ZNF397: variants seen among roughly 807,000 people sequenced by gnomAD.
ZNF397 encodes the protein zinc finger and SCAN domain-containing protein 15.
ZNF397 carries 38 observed loss-of-function variants against 50.6 expected under a neutral mutation model. The observed-to-expected ratio is 0.75, with a 90% confidence interval of 0.58 to 0.98. The LOEUF (loss-of-function observed/expected upper bound fraction) is 0.98. ZNF397 is among the 50% of genes least tolerant of loss of function. The pLI, the probability that ZNF397 is intolerant of heterozygous loss-of-function variation, is 0.00. For synonymous variants in ZNF397, 228 were observed against 215.2 expected, an observed-to-expected ratio of 1.06 and a Z score of -0.52; for missense variants, 624 against 624.1, an observed-to-expected ratio of 1.00 and a Z score of 0.00.
chr18:35,256,536 A>C (rs374897090), intron 5 of ZNF397, among the ~76,000 whole-genome samples: 9 of 152,240 alleles, frequency 5.9e-5, no homozygotes, highest in African/African-American at 1.9e-4. Context: ...ATGACAGAAC[A>C]AGACTGTCTC....
In ZNF397 at chr18:35,245,578, G is replaced by A. The variant is rs61736985; in HGVS notation, c.873G>A (p.Gly291=). Residue 291 remains glycine, a synonymous_variant, in exon 4 of 4, where the codon GGG becomes GGA. Coordinates refer to ENST00000330501, the MANE Select transcript of ZNF397 (RefSeq NM_001135178.3). The part of the protein sequence containing the change: ...EERPYRCDVC[G]HSFKQHSSLT... ...GACCTTATAGATGTGATGTATGTGGGCACAGCTTCAAGCAGCATTCCTCTC... is the reference window on the plus strand; with the variant it reads ...GACCTTATAGATGTGATGTATGTGGACACAGCTTCAAGCAGCATTCCTCTC... 2.6e-4 allele frequency: 406 copies of A among 1,552,708 alleles called. 4 individuals are homozygous for A. In the Middle Eastern group the frequency reaches 8.2e-3, roughly 31 times the overall value.
downstream of ZNF397, chr18:35,251,907 T>C (rs1226975261): frequency 6.6e-6 from 1 of 152,178 alleles, no homozygotes; most frequent in African/African-American, 2.4e-5. Context: ...TGACACTACC[T>C]AGGATATCTT....
rs1192606134 is a variant in ZNF397, at chr18:35,246,367, CAA to C, written c.*60_*61del. On this transcript the variant is annotated 3_prime_UTR_variant, in exon 4 of 4. Transcript: ENST00000330501. ...CAGTCAGATTTTTAAGTTTGTTAGTCAAAAGAGTTTACTTTGGAGCAAAACTC... is the reference window on the plus strand; with the variant it reads ...CAGTCAGATTTTTAAGTTTGTTAGTCAAGAGTTTACTTTGGAGCAAAACTC... 29 of 1,468,562 alleles carry C rather than the reference CAA, an allele frequency of 2.0e-5. No homozygotes were observed. The highest frequency in any genetic ancestry group is 2.6e-5 in the Non-Finnish European group (29 of 1,111,572). The allele number at this position is 1,468,562 out of a possible 1,614,324, so 91.0% of individuals were successfully genotyped here.
Position 35,245,878 on chromosome 18 carries a change from C to T in ZNF397, c.1173C>T (p.His391=), listed in dbSNP as rs895006880. 2 of 1,558,086 alleles carry T rather than the reference C, an allele frequency of 1.3e-6. No individual in the cohort carries two copies. Among genetic ancestry groups the T allele is most frequent in the African/African-American group, 1.4e-5 (1 of 73,152 alleles). The change falls in exon 4 of 4, where the codon CAC becomes CAT. Residue 391 remains histidine, a synonymous_variant. Transcript: ENST00000330501. The part of the protein sequence containing the change: ...SSYLIIHQRI[H]TGEKPYECNE... ...ATCTCATTATACATCAAAGAATTCA[C>T]ACTGGTGAGAAACCTTATGAGTGTA...
At position 35,245,824 on chromosome 18, in the gene ZNF397, G is replaced by GTGTGGCAAA. The variant is rs1491028000; in HGVS notation, c.1120_1128dup (p.Cys374_Lys376dup). ...GTGAGAAAGCTTGTAAATGTAATGAGTGTGGCAAAGCATTCAGTCAAAGTT... is the reference window on the plus strand; with the variant it reads ...GTGAGAAAGCTTGTAAATGTAATGAGTGTGGCAAATGTGGCAAAGCATTCAGTCAAAGTT... On this transcript the variant is annotated inframe_insertion, in exon 4 of 4. Coordinates refer to ENST00000330501, the MANE Select transcript of ZNF397 (RefSeq NM_001135178.3). 8 of 1,552,060 alleles carry GTGTGGCAAA rather than the reference G, an allele frequency of 5.2e-6. No homozygotes were observed. The highest frequency in any genetic ancestry group is 7.0e-6 in the Non-Finnish European group (8 of 1,147,232).
chr18:35,243,071 C>G, intron 2 of ZNF397, 81 bp from the exon 3 acceptor site: 32 of 1,591,180 alleles, frequency 2.0e-5, no homozygotes, highest in Non-Finnish European at 2.7e-5. Context: ...GAGATGTCAT[C>G]ATTGACCTCT....
Position 35,242,404 on chromosome 18 carries a change from A to T in ZNF397, c.-67A>T. 6.8e-7 allele frequency: 1 copy of T among 1,462,388 alleles called. No homozygotes were observed. The highest frequency in any genetic ancestry group is 9.3e-7 in the Non-Finnish European group (1 of 1,079,448). 90.6% of individuals were successfully genotyped at this position (1,462,388 alleles called of 1,614,324 possible). On this transcript the variant is annotated 5_prime_UTR_variant, in exon 2 of 4. Coordinates refer to ENST00000330501, the MANE Select transcript of ZNF397 (RefSeq NM_001135178.3). ...TATATCCTTCAGGAAAGAAGAGATT[A>T]CTCACACTCCTTCGCAAGCACAGAA... is the stretch of plus-strand genomic sequence containing the variant.
intron 1 of ZNF397, chr18:35,241,439 C>T (rs376440392): frequency 1.3e-5 from 2 of 152,234 alleles, no homozygotes; most frequent in African/African-American, 4.8e-5. Flanking sequence ...CATCTCTTAA[C>T]GTTAACCGTA....
At chr18:35,256,760 T>G (rs146344970) in intron 5 of ZNF397, among the ~76,000 whole-genome samples, 1 of 151,536 alleles carries the variant, frequency 6.6e-6, no homozygotes, top group African/African-American at 2.4e-5. Context: ...CTCTTCTGTT[T>G]TTGTTGTTGT....
chr18:35,256,664 CAA>C (rs2043831445), intron 5 of ZNF397, among the ~76,000 whole-genome samples: 1 of 152,156 alleles, frequency 6.6e-6, no homozygotes, highest in Non-Finnish European at 1.5e-5. Context: ...TAATCAGGCT[CAA>C]GTCTGGAGGC....
At chr18:35,254,659 T>C (rs193040278), downstream of ZNF397, 885 of 515,050 alleles carry the variant, frequency 1.7e-3, 2 homozygotes, top group Non-Finnish European at 2.5e-3. Flanking sequence ...AACAGGAATA[T>C]TGGCGATAAA....
rs1241856295 is a variant in ZNF397 at position 35,241,073 on chromosome 18, T to TG, written c.-114dup. Reference sequence around the variant, plus strand: ...GGTCTTTGTGGCTTGCAGCTCGGGGTGGGTGGCTCATTTCCTGGCCGCTCC... The same window carrying TG: ...GGTCTTTGTGGCTTGCAGCTCGGGGTGGGGTGGCTCATTTCCTGGCCGCTCC... On this transcript the variant is annotated 5_prime_UTR_variant, in exon 1 of 4. Transcript: ENST00000330501. The TG allele has an allele frequency of 2.0e-5, 3 of 151,894 alleles. No individual in the cohort carries two copies. The highest frequency in any genetic ancestry group is 4.4e-5 in the Non-Finnish European group (3 of 68,000). The allele number at this position is 151,894 out of a possible 1,614,324, so 9.4% of individuals were successfully genotyped here.
Position 35,248,303 on chromosome 18 carries a change from T to C in ZNF397, c.*1993T>C, listed in dbSNP as rs896986824. ...GGGGCGTGCATCAGTGGACATGTGCTAACCAGTAAGAACAGCAGGAGGCCT... is the reference window on the plus strand; with the variant it reads ...GGGGCGTGCATCAGTGGACATGTGCCAACCAGTAAGAACAGCAGGAGGCCT... On this transcript the variant is annotated 3_prime_UTR_variant, in exon 4 of 4. Transcript: ENST00000330501. 2.6e-5 allele frequency: 4 copies of C among 152,200 alleles called. No homozygotes were observed. Among genetic ancestry groups the C allele is most frequent in the Non-Finnish European group, 5.9e-5 (4 of 68,038 alleles). The allele number at this position is 152,200 out of a possible 1,614,324, so 9.4% of individuals were successfully genotyped here.
chr18:35,243,740 C>T (rs1009165539), intron 3 of ZNF397: 1 of 268,788 alleles, frequency 3.7e-6, no homozygotes, highest in South Asian at 5.8e-5. Context: ...AAGACTTGAA[C>T]TATGAGTAAG....
chr18:35,244,877 G>T (rs982088272), intron 3 of ZNF397, among the ~76,000 whole-genome samples: 5 of 151,954 alleles, frequency 3.3e-5, no homozygotes, highest in African/African-American at 7.3e-5. Context: ...AGAGAGTGAG[G>T]TTGCGAAACC....
Position 35,245,854 on chromosome 18 carries a change from T to C in ZNF397, c.1149T>C (p.Tyr383=), listed in dbSNP as rs1404197769. The C allele has an allele frequency of 6.4e-7, 1 of 1,553,520 alleles. No homozygotes were observed. Residue 383 remains tyrosine, a synonymous_variant, in exon 4 of 4, where the codon TAT becomes TAC. Transcript: ENST00000330501. ...GCAAAGCATTCAGTCAAAGTTCATA[T>C]CTCATTATACATCAAAGAATTCACA... ...ECGKAFSQSS[Y]LIIHQRIHTG... is the part of the protein sequence containing the mutation.
Position 35,246,844 on chromosome 18 carries a change from T to C in ZNF397, c.*534T>C, listed in dbSNP as rs1274446868. On this transcript the variant is annotated 3_prime_UTR_variant, in exon 4 of 4. Transcript: ENST00000330501. Reference sequence around the variant, plus strand: ...AGGCATGAGAAGAAAGAATATAATTTACCCAAAGGTTATTTTTTGAGTACC... The same window carrying C: ...AGGCATGAGAAGAAAGAATATAATTCACCCAAAGGTTATTTTTTGAGTACC... 18 of 985,588 alleles carry C rather than the reference T, an allele frequency of 1.8e-5. No homozygotes were observed. Among genetic ancestry groups the C allele is most frequent in the Non-Finnish European group, 2.2e-5 (18 of 830,206 alleles). 61.1% of individuals were successfully genotyped at this position (985,588 alleles called of 1,614,324 possible).
At chr18:35,243,393 T>C (rs763515035) in intron 3 of ZNF397, 100 bp downstream of exon 3, 18 of 1,557,782 alleles carry the variant, frequency 1.2e-5, no homozygotes, top group Non-Finnish European at 1.6e-5. Context: ...CATGTGAGCA[T>C]CACCTTTATT....
chr18:35,248,833 G>A lies in ZNF397; in HGVS notation c.*2523G>A, dbSNP rs2143617266. ...CTCCAGCCTGGGAGAGCAAGACCCT[G>A]TCTCCAAACCAAAAAAAAAGGAAAA... On this transcript the variant is annotated 3_prime_UTR_variant, in exon 4 of 4. Coordinates refer to ENST00000330501, the MANE Select transcript of ZNF397 (RefSeq NM_001135178.3). 6.6e-6 allele frequency: 1 copy of A among 151,938 alleles called. No homozygotes were observed. Among genetic ancestry groups the A allele is most frequent in the Non-Finnish European group, 1.5e-5 (1 of 67,976 alleles). The allele number at this position is 151,938 out of a possible 1,614,324, so 9.4% of individuals were successfully genotyped here. A position where few individuals can be genotyped will look rare whatever the true frequency, so the allele number is the denominator to read the frequency against.
Sources: gnomAD v4.1 joint callset for allele counts (sites outside exome capture counted in the v4.1 genomes callset) on GRCh38, gnomAD v4.1.1 for gene constraint, MANE v1.5 for transcripts, NCBI Gene and HGNC (gene_info 2026-07-23, HGNC 2026-07-21) for gene names.